Variants in COPA observed in about 807,000 individuals in gnomAD.
The protein encoded by COPA is coat protein complex I subunit alpha, also known as coatomer subunit alpha.
Under a neutral mutation model 158.7 loss-of-function variants are expected in COPA, and 10 were observed. The ratio of observed to expected loss-of-function variants is 0.06; its 90% confidence interval spans 0.04 to 0.11. COPA has a LOEUF of 0.11. Ranked by LOEUF, COPA falls within the 10% of genes least tolerant of loss-of-function variation. The pLI, the probability that COPA is intolerant of heterozygous loss-of-function variation, is 1.00. For synonymous variants in COPA, 462 were observed against 542.8 expected (o/e 0.85, Z 2.07); for missense variants, 1,065 against 1,536.7 (o/e 0.69, Z 5.13).
chr1:160,299,828 G>A (rs1400707640), intron 17 of COPA, among the ~76,000 whole-genome samples: 1 of 151,752 alleles, frequency 6.6e-6, no homozygotes, highest in Non-Finnish European at 1.5e-5. Flanking sequence ...AAAATTTACT[G>A]TTCTTTTTAA....
intron 11 of COPA, chr1:160,310,520 C>T (rs1190828013): frequency 7.5e-6 from 2 of 266,706 alleles, no homozygotes; most frequent in East Asian, 1.5e-4. Flanking sequence ...GTAGGGTTAA[C>T]ACTCACTGTA....
At chr1:160,307,072 G>T in intron 14 of COPA, 91 bp downstream of exon 14, 1 of 1,280,358 alleles carries the variant, frequency 7.8e-7, no homozygotes, top group Non-Finnish European at 1.1e-6. Flanking sequence ...GCCCGGGGGA[G>T]AACAGAAAAA....
intron 8 of COPA, among the ~76,000 whole-genome samples, chr1:160,314,500 G>A (rs1329621771): frequency 1.3e-5 from 2 of 152,052 alleles, no homozygotes; most frequent in Non-Finnish European, 2.9e-5. Context: ...GTGTTGTGGC[G>A]CACGTTTGTA....
At chr1:160,339,078 T>A (rs1647913874) in intron 3 of COPA, among the ~76,000 whole-genome samples, 1 of 151,608 alleles carries the variant, frequency 6.6e-6, no homozygotes, top group Non-Finnish European at 1.5e-5. Context: ...CTTTACCCAG[T>A]GACCTAAACT....
chr1:160,308,954 C>T (rs1231990238), intron 13 of COPA, 147 bp downstream of exon 13: 2 of 636,754 alleles, frequency 3.1e-6, no homozygotes, highest in Non-Finnish European at 5.7e-6. Context: ...CCATGGTCGC[C>T]TCTGATGCAA....
chr1:160,320,902 G>C (rs1230070171), intron 8 of COPA, among the ~76,000 whole-genome samples: 1 of 149,026 alleles, frequency 6.7e-6, no homozygotes. Flanking sequence ...CACAAAAAGA[G>C]AAAACTACAG....
intron 17 of COPA, among the ~76,000 whole-genome samples, chr1:160,302,712 GC>G (rs1339690232): frequency 6.6e-6 from 1 of 151,676 alleles, no homozygotes; most frequent in Non-Finnish European, 1.5e-5. Flanking sequence ...CCACCACCAC[GC>G]CCAGCTAGCT....
intron 3 of COPA, among the ~76,000 whole-genome samples, chr1:160,336,203 G>A (rs1049688199): frequency 6.6e-6 from 1 of 151,822 alleles, no homozygotes; most frequent in African/African-American, 2.4e-5. Context: ...AAAAAAATTA[G>A]CCGGATGTGA....
Position 160,340,257 on chromosome 1 carries a change from A to G in COPA, c.78T>C (p.Thr26=), listed in dbSNP as rs1424595098. 6.2e-7 allele frequency: 1 copy of G among 1,613,620 alleles called. No individual in the cohort carries two copies. Among genetic ancestry groups the G allele is most frequent in the Non-Finnish European group, 8.5e-7 (1 of 1,179,924 alleles). ...ACTGGATGACCCCATTATGTAAACT[A>G]GTCAGGATCCAAGGTCTTTTGGGGT... ...SFHPKRPWIL[T]SLHNGVIQLW... Residue 26 remains threonine (T), a synonymous_variant, in exon 2 of 33, where the codon ACT becomes ACC. Transcript: ENST00000241704.
Position 160,323,549 on chromosome 1 carries a change from C to A in COPA, c.607-19G>T. ...CGTGACCCTGTAGAAAAGAGTGGTT[C>A]TTCTAAAACATCTTTATAGTCATTA... On this transcript the variant is annotated intron_variant, in intron 7 of 32. Transcript: ENST00000241704. 1 of 1,583,874 alleles carries A rather than the reference C, an allele frequency of 6.3e-7. No homozygotes were observed. Among genetic ancestry groups the A allele is most frequent in the South Asian group, 1.1e-5 (1 of 88,094 alleles).
chr1:160,340,049 A>G, intron 2 of COPA, 67 bp from the exon 3 acceptor site: 1 of 1,577,024 alleles, frequency 6.3e-7, no homozygotes, highest in Admixed American at 1.7e-5. Context: ...GGTGATTCCT[A>G]TTCAGGATTT....
intron 6 of COPA, among the ~76,000 whole-genome samples, chr1:160,327,754 A>T (rs1295801703): frequency 6.6e-6 from 1 of 152,034 alleles, no homozygotes; most frequent in Admixed American, 6.6e-5. Flanking sequence ...GCTACCTGGG[A>T]GGCTGAGGCA....
At chr1:160,306,569 G>T in intron 14 of COPA, 76 bp from the exon 15 acceptor site, 1 of 1,564,894 alleles carries the variant, frequency 6.4e-7, no homozygotes, top group Non-Finnish European at 8.8e-7. Context: ...ATGTTCCTCA[G>T]CAATTGTTCC....
chr1:160,294,135 T>C (rs1242162138), intron 25 of COPA, among the ~76,000 whole-genome samples: 2 of 152,136 alleles, frequency 1.3e-5, no homozygotes, highest in Admixed American at 6.6e-5. Flanking sequence ...GCCACTAACT[T>C]TGACTCTCTC....
intron 8 of COPA, among the ~76,000 whole-genome samples, chr1:160,319,697 T>C (rs770797798): frequency 2.0e-5 from 3 of 151,520 alleles, no homozygotes; most frequent in Non-Finnish European, 2.9e-5. Flanking sequence ...CTGAACACAA[T>C]AGAACTAGAA....
At chr1:160,299,026 A>G (rs1008310682) in intron 18 of COPA, 35 bp from the exon 19 acceptor site, 2 of 1,610,008 alleles carry the variant, frequency 1.2e-6, no homozygotes, top group Admixed American at 1.7e-5. Context: ...CAAGAAGTAG[A>G]CATCACTTAC....
intron 17 of COPA, among the ~76,000 whole-genome samples, chr1:160,299,584 T>A (rs1405276515): frequency 6.6e-6 from 1 of 152,180 alleles, no homozygotes; most frequent in African/African-American, 2.4e-5. Flanking sequence ...CTTTATAATC[T>A]ATAACTGAAA....
intron 7 of COPA, among the ~76,000 whole-genome samples, chr1:160,324,815 G>A (rs1180314445): frequency 6.6e-6 from 1 of 152,060 alleles, no homozygotes; most frequent in Non-Finnish European, 1.5e-5. Context: ...AGAGTATAAA[G>A]AGATCTTCAG....
rs1423034029 is a variant in COPA at position 160,288,937 on chromosome 1, T to C, written c.*1220A>G. Among the ~76,000 whole-genome samples, 1 of 152,326 alleles carries C rather than the reference T, an allele frequency of 6.6e-6. No individual in the cohort carries two copies. The highest frequency in any genetic ancestry group is 1.9e-4 in the East Asian group (1 of 5,190). On this transcript the variant is annotated 3_prime_UTR_variant, in exon 33 of 33. Transcript: ENST00000241704. Reference sequence around the variant, plus strand: ...ATCATTTTCACAGCAGTTTAGGTCCTCATATATACCCTATGAAAAACATGT... The same window carrying C: ...ATCATTTTCACAGCAGTTTAGGTCCCCATATATACCCTATGAAAAACATGT...
Sources: gnomAD v4.1 joint callset for allele counts (sites outside exome capture counted in the v4.1 genomes callset) on GRCh38, gnomAD v4.1.1 for gene constraint, MANE v1.5 for transcripts, NCBI Gene and HGNC (gene_info 2026-07-23, HGNC 2026-07-21) for gene names.